FAT3: variants seen among roughly 807,000 people sequenced by gnomAD.
FAT3 encodes FAT atypical cadherin 3.
In FAT3, 95 loss-of-function variants were observed where a neutral mutation model predicts 310.2. The ratio of observed to expected loss-of-function variants is 0.31; its 90% confidence interval spans 0.26 to 0.36. FAT3 has a LOEUF of 0.36. Ranked by LOEUF, FAT3 falls within the 10% of genes least tolerant of loss-of-function variation. FAT3 has a pLI of 1.00. For synonymous variants in FAT3, 2,314 were observed against 2,192.9 expected (o/e 1.06, Z -1.54); for missense variants, 5,408 against 5,715.6 (o/e 0.95, Z 1.74).
intron 3 of FAT3, among the ~76,000 whole-genome samples, chr11:92,556,477 C>T (rs1955022344): frequency 6.6e-6 from 1 of 152,192 alleles, no homozygotes; most frequent in South Asian, 2.1e-4. Flanking sequence ...ATTCCTGACA[C>T]TGAATTCTCA....
At position 92,765,789 on chromosome 11, in the gene FAT3, A is replaced by G. The variant is rs367698345; in HGVS notation, c.4195+700A>G. ...TTTGATAGGGTTTGGATTTTTTTTG[A>G]GGGGGGGGTTGTTTTGACTTTTATT... On this transcript the variant is annotated intron_variant, in intron 6 of 27. Coordinates refer to ENST00000525166, the MANE Select transcript of FAT3 (RefSeq NM_001367949.2). Among the ~76,000 whole-genome samples, 927 of 150,350 alleles carry G rather than the reference A, an allele frequency of 6.2e-3. 5 individuals carry two copies. The highest frequency in any genetic ancestry group is 0.02 in the Middle Eastern group (6 of 294).
intron 1 of FAT3, among the ~76,000 whole-genome samples, chr11:92,255,332 GT>G (rs1031470984): frequency 1.6e-4 from 22 of 136,790 alleles, no homozygotes; most frequent in African/African-American, 4.5e-4. Context: ...TTATTTTAGG[GT>G]TTTTTTTTAA....
intron 1 of FAT3, among the ~76,000 whole-genome samples, chr11:92,229,510 T>TTTTTTTTTTTTTTTTTTTTTTTTTTC (rs1440088788): frequency 2.6e-5 from 2 of 77,140 alleles, no homozygotes; most frequent in African/African-American, 8.0e-5. Flanking sequence ...TTTTTTTGTT[T>TTTTTTTTTTTTTTTTTTTTTTTTTTC]TTTGTTTTTT....
At chr11:92,796,779 T>A (rs915721768) in intron 9 of FAT3, among the ~76,000 whole-genome samples, 9 of 152,338 alleles carry the variant, frequency 5.9e-5, no homozygotes, top group African/African-American at 2.2e-4. Flanking sequence ...CTACCTTCTT[T>A]ACATACTCCA....
chr11:92,509,214 C>A (rs528167019), intron 2 of FAT3, among the ~76,000 whole-genome samples: 5 of 152,160 alleles, frequency 3.3e-5, no homozygotes, highest in African/African-American at 9.6e-5. Flanking sequence ...ACAAATAATG[C>A]AAATCTTATA....
intron 1 of FAT3, among the ~76,000 whole-genome samples, chr11:92,270,849 T>C (rs1565192226): frequency 6.6e-6 from 1 of 151,982 alleles, no homozygotes; most frequent in Non-Finnish European, 1.5e-5. Context: ...CCCCAGTCTT[T>C]CCAATCTCCA....
intron 2 of FAT3, among the ~76,000 whole-genome samples, chr11:92,495,348 G>A (rs962272271): frequency 2.6e-5 from 4 of 152,040 alleles, no homozygotes; most frequent in South Asian, 2.1e-4. Context: ...TGCCCAGCGC[G>A]CATCTCCCAA....
At chr11:92,845,604 C>T (rs531296160) in intron 19 of FAT3, among the ~76,000 whole-genome samples, 1 of 152,128 alleles carries the variant, frequency 6.6e-6, no homozygotes, top group Non-Finnish European at 1.5e-5. Flanking sequence ...CCGTAGTGAT[C>T]GATGAGAAGC....
chr11:92,780,748 C>A (rs1946724861), intron 7 of FAT3, among the ~76,000 whole-genome samples: 1 of 152,186 alleles, frequency 6.6e-6, no homozygotes. Context: ...ATGATGCCAC[C>A]TGTGGCTGTC....
At chr11:92,808,454 G>C (rs1482892691) in intron 12 of FAT3, among the ~76,000 whole-genome samples, 1 of 152,196 alleles carries the variant, frequency 6.6e-6, no homozygotes, top group East Asian at 1.9e-4. Context: ...AGCGCATCCA[G>C]GTAATGTCAT....
intron 3 of FAT3, among the ~76,000 whole-genome samples, chr11:92,664,173 A>G (rs561344204): frequency 6.6e-6 from 1 of 152,154 alleles, no homozygotes; most frequent in East Asian, 1.9e-4. Flanking sequence ...CAGAAATCCA[A>G]CTGGATTCTT....
At chr11:92,435,591 T>C (rs1221741160) in intron 2 of FAT3, among the ~76,000 whole-genome samples, 1 of 148,462 alleles carries the variant, frequency 6.7e-6, no homozygotes, top group Non-Finnish European at 1.5e-5. Context: ...TTTGAAACAG[T>C]GTCTTGTTCT....
At chr11:92,868,796 A>T (rs1949310575) in intron 22 of FAT3, among the ~76,000 whole-genome samples, 1 of 152,154 alleles carries the variant, frequency 6.6e-6, no homozygotes. Flanking sequence ...TTAATTTTTA[A>T]AAAAATTTCA....
chr11:92,336,486 C>T (rs1330216005), intron 1 of FAT3: 1 of 279,960 alleles, frequency 3.6e-6, no homozygotes, highest in Non-Finnish European at 7.0e-6. Flanking sequence ...ACTTAACAGC[C>T]CAACTGCCAT....
At chr11:92,247,399 G>T in intron 1 of FAT3, among the ~76,000 whole-genome samples, 1 of 150,972 alleles carries the variant, frequency 6.6e-6, no homozygotes, top group East Asian at 2.0e-4. Flanking sequence ...CTTGCTTGGT[G>T]TGACATGCCT....
intron 6 of FAT3, 51 bp downstream of exon 6, chr11:92,765,140 AGC>A: frequency 7.5e-7 from 1 of 1,331,800 alleles, no homozygotes; most frequent in Non-Finnish European, 1.0e-6. Context: ...AATTGACTGA[AGC>A]AACTAGGAAA....
chr11:92,667,037 C>T (rs1206290798), intron 3 of FAT3, among the ~76,000 whole-genome samples: 3 of 152,008 alleles, frequency 2.0e-5, no homozygotes, highest in Non-Finnish European at 4.4e-5. Flanking sequence ...CCAGCTACAC[C>T]GAGAGCTAGG....
intron 2 of FAT3, among the ~76,000 whole-genome samples, chr11:92,418,071 T>G (rs946603467): frequency 6.6e-6 from 1 of 152,200 alleles, no homozygotes; most frequent in African/African-American, 2.4e-5. Flanking sequence ...AGTCACTTGT[T>G]GAAGTCCCAC....
chr11:92,383,727 C>T (rs1949556011), intron 2 of FAT3, among the ~76,000 whole-genome samples: 1 of 152,216 alleles, frequency 6.6e-6, no homozygotes, highest in Non-Finnish European at 1.5e-5. Context: ...TCCAGGATCT[C>T]ATGAGAGATT....
Sources: gnomAD v4.1 joint callset for allele counts (sites outside exome capture counted in the v4.1 genomes callset) on GRCh38, gnomAD v4.1.1 for gene constraint, MANE v1.5 for transcripts, NCBI Gene and HGNC (gene_info 2026-07-23, HGNC 2026-07-21) for gene names.